Variants in STK32B observed in about 807,000 individuals in gnomAD.
STK32B encodes serine/threonine-protein kinase 32B.
STK32B carries 43 observed loss-of-function variants against 52.6 expected under a neutral mutation model. The ratio of observed to expected loss-of-function variants is 0.82; its 90% confidence interval spans 0.64 to 1.05. The LOEUF (loss-of-function observed/expected upper bound fraction) is 1.05, where lower values mean the gene tolerates loss of function less well. STK32B is among the 50% of genes least tolerant of loss of function. The pLI is 0.00. For missense variants in STK32B, 621 were observed against 534.6 expected (o/e 1.16, Z -1.59); for synonymous variants, 238 against 204.3 (o/e 1.17, Z -1.41).
chr4:5,099,072 T>C (rs1416739172), intron 1 of STK32B, among the ~76,000 whole-genome samples: 3 of 152,194 alleles, frequency 2.0e-5, no homozygotes, highest in African/African-American at 7.2e-5. Flanking sequence ...CTGGAGGCTC[T>C]AGGGGAGAAC....
rs193134059 is a variant in STK32B, at chr4:5,301,412, A to G, written c.261-29808A>G. On this transcript the variant is annotated intron_variant, in intron 3 of 11. Coordinates refer to ENST00000282908, the MANE Select transcript of STK32B (RefSeq NM_018401.3). ...TGAGTCTGGGCTTTACTCTGTGACTATTTTTAAATTATTATTTATATTACT... is the reference window on the plus strand; with the variant it reads ...TGAGTCTGGGCTTTACTCTGTGACTGTTTTTAAATTATTATTTATATTACT... Among the ~76,000 whole-genome samples the G allele has an allele frequency of 1.2e-3, 187 of 152,042 alleles. 1 individual carries two copies. The highest frequency in any genetic ancestry group is 4.3e-3 in the African/African-American group (179 of 41,530).
At chr4:5,194,189 A>G (rs1235942316) in intron 3 of STK32B, among the ~76,000 whole-genome samples, 1 of 152,100 alleles carries the variant, frequency 6.6e-6, no homozygotes, top group East Asian at 1.9e-4. Context: ...CCATCCTCAG[A>G]AAAAAAATGT....
At chr4:5,067,553 G>A (rs1742472079) in intron 1 of STK32B, among the ~76,000 whole-genome samples, 1 of 152,166 alleles carries the variant, frequency 6.6e-6, no homozygotes, top group Admixed American at 6.5e-5. Context: ...AAAGGAGAAA[G>A]CCTAGGGAAA....
intron 4 of STK32B, among the ~76,000 whole-genome samples, chr4:5,367,609 A>G (rs555223172): frequency 1.3e-5 from 2 of 152,296 alleles, no homozygotes; most frequent in East Asian, 3.9e-4. Context: ...CAACCCAGTC[A>G]AGCCACCCAT....
chr4:5,069,787 G>C (rs1711640270), intron 1 of STK32B, among the ~76,000 whole-genome samples: 1 of 152,166 alleles, frequency 6.6e-6, no homozygotes, highest in Non-Finnish European at 1.5e-5. Context: ...GAGGTCAAAG[G>C]CACAGATTTT....
chr4:5,477,662 T>C (rs1429797880), intron 11 of STK32B, among the ~76,000 whole-genome samples: 1 of 152,178 alleles, frequency 6.6e-6, no homozygotes, highest in Non-Finnish European at 1.5e-5. Flanking sequence ...CTCCACTCCA[T>C]ATGGCAGTGA....
At position 5,301,314 on chromosome 4, in the gene STK32B, A is replaced by G. The variant is rs573737162; in HGVS notation, c.261-29906A>G. On this transcript the variant is annotated intron_variant, in intron 3 of 11. Transcript: ENST00000282908. The stretch of plus-strand genomic sequence containing the variant: ...ATCGGAAAGTGTTTCCCTCTATTCT[A>G]TCTTTTGAAAGAATTTGCAGAAGAT... Among the ~76,000 whole-genome samples, 202 of 152,184 alleles carry G rather than the reference A, an allele frequency of 1.3e-3. 2 individuals are homozygous for G. Among genetic ancestry groups the G allele is most frequent in the African/African-American group, 4.5e-3 (189 of 41,546 alleles).
chr4:5,177,822 C>G (rs112503925), intron 3 of STK32B, among the ~76,000 whole-genome samples: 10 of 152,216 alleles, frequency 6.6e-5, no homozygotes, highest in African/African-American at 2.2e-4. Context: ...GACTTCATGC[C>G]TCACATCCAG....
intron 6 of STK32B, among the ~76,000 whole-genome samples, chr4:5,436,816 C>T (rs995961607): frequency 1.3e-5 from 2 of 151,800 alleles, no homozygotes; most frequent in African/African-American, 4.8e-5. Context: ...ACTCTTCCTC[C>T]TCAGGCCCAG....
At chr4:5,232,883 G>T (rs1168041984) in intron 3 of STK32B, among the ~76,000 whole-genome samples, 1 of 152,078 alleles carries the variant, frequency 6.6e-6, no homozygotes, top group East Asian at 1.9e-4. Flanking sequence ...GGATATTGAG[G>T]TGGGAAGGAG....
At chr4:5,452,561 G>T (rs1716104129) in intron 7 of STK32B, among the ~76,000 whole-genome samples, 2 of 152,152 alleles carry the variant, frequency 1.3e-5, no homozygotes. Context: ...GGTTCCAGGG[G>T]CAGGGAAAGT....
chr4:5,325,668 G>A (rs1363737819), intron 3 of STK32B, among the ~76,000 whole-genome samples: 1 of 152,110 alleles, frequency 6.6e-6, no homozygotes, highest in Non-Finnish European at 1.5e-5. Flanking sequence ...CAATAGCCAG[G>A]CCAGGATTTA....
chr4:5,450,019 T>TA (rs1363441124), intron 7 of STK32B, among the ~76,000 whole-genome samples: 1 of 152,148 alleles, frequency 6.6e-6, no homozygotes, highest in African/African-American at 2.4e-5. Flanking sequence ...CCCGCAACCC[T>TA]AGTCCATGGA....
intron 7 of STK32B, 42 bp downstream of exon 7, chr4:5,446,818 G>C: frequency 6.3e-7 from 1 of 1,596,600 alleles, no homozygotes; most frequent in Middle Eastern, 1.7e-4. Context: ...GGGCTGTGCA[G>C]TGGGGGCTCA....
the STK32B span, among the ~76,000 whole-genome samples, chr4:5,020,886 C>T: frequency 1.3e-5 from 2 of 152,176 alleles, no homozygotes; most frequent in Non-Finnish European, 2.9e-5. Flanking sequence ...AACTGAGGGC[C>T]TCGGGGGATG....
At position 5,460,293 on chromosome 4, in the gene STK32B, A is replaced by G. The variant is rs1716935468; in HGVS notation, c.909+65A>G. On this transcript the variant is annotated intron_variant, in intron 9 of 11. Coordinates refer to ENST00000282908, the MANE Select transcript of STK32B (RefSeq NM_018401.3). This position sits in a 1 kb window ranked among gnomAD's most constrained non-coding sequence, Gnocchi z 4.8. Reference sequence around the variant, plus strand: ...CAGGGTCCCCGCCTTGGTGCAAAGCAAGACTTTGGCAGCTGGCTAGTGAGC... The same window carrying G: ...CAGGGTCCCCGCCTTGGTGCAAAGCGAGACTTTGGCAGCTGGCTAGTGAGC... 6.5e-7 allele frequency: 1 copy of G among 1,546,704 alleles called. No homozygotes were observed.
At chr4:5,336,232 G>T (rs1169346517) in intron 4 of STK32B, among the ~76,000 whole-genome samples, 1 of 150,850 alleles carries the variant, frequency 6.6e-6, no homozygotes, top group Non-Finnish European at 1.5e-5. Flanking sequence ...TCTACACAGG[G>T]AACTCAAGTG....
intron 4 of STK32B, among the ~76,000 whole-genome samples, chr4:5,388,245 C>G (rs1383434391): frequency 6.6e-6 from 1 of 152,212 alleles, no homozygotes; most frequent in African/African-American, 2.4e-5. Context: ...TTGGCGTCCA[C>G]TCCTCCATGT....
chr4:5,036,064 G>A, the STK32B span, among the ~76,000 whole-genome samples: 2 of 152,236 alleles, frequency 1.3e-5, no homozygotes, highest in East Asian at 1.9e-4. Context: ...TTACAGGCGT[G>A]AGCCATCGTG....
Sources: allele counts gnomAD v4.1 joint callset (sites outside exome capture counted in the v4.1 genomes callset), GRCh38; gene constraint gnomAD v4.1.1; non-coding constraint Gnocchi (gnomAD v3.1); transcripts MANE v1.5; gene names NCBI Gene and HGNC (gene_info 2026-07-23, HGNC 2026-07-21).